Variants in GALNTL6 observed in about 807,000 individuals in gnomAD.
The protein encoded by GALNTL6 is polypeptide N-acetylgalactosaminyltransferase like 6.
In GALNTL6, 46 loss-of-function variants were observed where a neutral mutation model predicts 73.7. The observed-to-expected ratio is 0.62, with a 90% confidence interval of 0.49 to 0.80. GALNTL6 has a LOEUF of 0.80. Ranked by LOEUF, GALNTL6 falls within the 30% of genes least tolerant of loss-of-function variation. The pLI is 0.00. For missense variants in GALNTL6, 604 were observed against 755.0 expected (o/e 0.80, Z 2.34); for synonymous variants, 259 against 263.7 (o/e 0.98, Z 0.17).
At chr4:172,223,276 ATTCT>A (rs1316325714) in intron 2 of GALNTL6, among the ~76,000 whole-genome samples, 3 of 152,056 alleles carry the variant, frequency 2.0e-5, no homozygotes, top group Non-Finnish European at 2.9e-5. Context: ...TAACAAGATA[ATTCT>A]TTCCACCAAA....
intron 2 of GALNTL6, among the ~76,000 whole-genome samples, chr4:171,894,956 A>G (rs1028346667): frequency 2.6e-5 from 4 of 152,256 alleles, no homozygotes; most frequent in African/African-American, 7.2e-5. Context: ...AAATGACATC[A>G]TAATAGAAAT....
intron 2 of GALNTL6, among the ~76,000 whole-genome samples, chr4:172,031,094 ACT>A (rs1741752865): frequency 6.6e-6 from 1 of 151,866 alleles, no homozygotes; most frequent in African/African-American, 2.4e-5. Context: ...GTCTTCCAAG[ACT>A]CTGATTCTTT....
At chr4:172,423,175 A>G (rs955556728) in intron 5 of GALNTL6, among the ~76,000 whole-genome samples, 1 of 151,940 alleles carries the variant, frequency 6.6e-6, no homozygotes, top group Admixed American at 6.6e-5. Flanking sequence ...GACCTGGGTT[A>G]TGCAATAACA....
chr4:172,610,148 A>T (rs1738472412), intron 5 of GALNTL6, among the ~76,000 whole-genome samples: 1 of 151,610 alleles, frequency 6.6e-6, no homozygotes. Flanking sequence ...CCAACTTCTG[A>T]GTTCATTGAT....
intron 2 of GALNTL6, among the ~76,000 whole-genome samples, chr4:172,191,020 G>C (rs1719134236): frequency 6.6e-6 from 1 of 152,098 alleles, no homozygotes; most frequent in South Asian, 2.1e-4. Flanking sequence ...TTACCTGGTG[G>C]CTTCATCTCT....
intron 5 of GALNTL6, among the ~76,000 whole-genome samples, chr4:172,499,475 A>G (rs1734184950): frequency 6.6e-6 from 1 of 152,242 alleles, no homozygotes; most frequent in South Asian, 2.1e-4. Flanking sequence ...TACACAGTCT[A>G]TGGCATTTTG....
chr4:172,070,907 A>G (rs991531175), intron 2 of GALNTL6, among the ~76,000 whole-genome samples: 2 of 109,830 alleles, frequency 1.8e-5, no homozygotes, highest in African/African-American at 6.8e-5. Flanking sequence ...ATTATTTTAT[A>G]CTATATCCAG....
At chr4:171,848,126 C>T (rs1735422474) in intron 2 of GALNTL6, among the ~76,000 whole-genome samples, 1 of 152,188 alleles carries the variant, frequency 6.6e-6, no homozygotes, top group South Asian at 2.1e-4. Flanking sequence ...GTTGCACTGG[C>T]AGCCATGAAA....
At chr4:172,235,778 A>G (rs1388476046) in intron 3 of GALNTL6, among the ~76,000 whole-genome samples, 1 of 152,020 alleles carries the variant, frequency 6.6e-6, no homozygotes, top group African/African-American at 2.4e-5. Flanking sequence ...TAGTTTTTCA[A>G]CACTTGCCCA....
intron 5 of GALNTL6, among the ~76,000 whole-genome samples, chr4:172,486,856 G>A (rs1012181209): frequency 2.6e-5 from 4 of 152,166 alleles, no homozygotes; most frequent in African/African-American, 9.7e-5. Flanking sequence ...CTTTCTTGAA[G>A]TAAATTCAAG....
Position 172,973,781 on chromosome 4 carries a change from C to T in GALNTL6, c.1371+21523C>T, listed in dbSNP as rs568562715. Among the ~76,000 whole-genome samples, 163 of 152,308 alleles carry T rather than the reference C, an allele frequency of 1.1e-3. 4 individuals are homozygous for T. Among genetic ancestry groups the T allele is most frequent in the Admixed American group, 2.5e-3 (39 of 15,302 alleles). ...TCTTCCTCTCTTTGCCTACCACTTT[C>T]ACGCTTTCTCTCTCCCTCTGACTCC... On this transcript the variant is annotated intron_variant, in intron 10 of 12. Transcript: ENST00000506823.
intron 2 of GALNTL6, among the ~76,000 whole-genome samples, chr4:171,989,097 T>C (rs998564313): frequency 5.3e-5 from 8 of 152,220 alleles, no homozygotes; most frequent in African/African-American, 1.2e-4. Context: ...TTTAAGAGGT[T>C]TAGAAGCCTG....
intron 5 of GALNTL6, among the ~76,000 whole-genome samples, chr4:172,383,289 T>C (rs187823665): frequency 1.6e-4 from 25 of 152,256 alleles, no homozygotes; most frequent in Admixed American, 1.5e-3. Context: ...GTAACTTTTT[T>C]CAACAAAATT....
chr4:171,908,413 C>T (rs1737366674), intron 2 of GALNTL6, among the ~76,000 whole-genome samples: 1 of 152,016 alleles, frequency 6.6e-6, no homozygotes, highest in African/African-American at 2.4e-5. Context: ...CCATCACTGG[C>T]CATCAGAGAA....
chr4:172,152,753 C>A (rs1734139423), intron 2 of GALNTL6, among the ~76,000 whole-genome samples: 1 of 152,146 alleles, frequency 6.6e-6, no homozygotes, highest in South Asian at 2.1e-4. Flanking sequence ...GGATTACAGG[C>A]ACCCACCACG....
chr4:172,878,877 GAC>G (rs1745319044), intron 7 of GALNTL6, among the ~76,000 whole-genome samples: 2 of 151,688 alleles, frequency 1.3e-5, no homozygotes, highest in African/African-American at 4.8e-5. Flanking sequence ...TAAGCATAAA[GAC>G]ACAAATAGTT....
intron 2 of GALNTL6, among the ~76,000 whole-genome samples, chr4:171,960,083 G>C (rs1256096325): frequency 6.6e-6 from 1 of 152,270 alleles, no homozygotes; most frequent in African/African-American, 2.4e-5. Context: ...TGTATGCAAA[G>C]GGAAACTACA....
intron 5 of GALNTL6, among the ~76,000 whole-genome samples, chr4:172,539,876 TATATATATATATA>T: frequency 2.5e-4 from 1 of 3,994 alleles, no homozygotes; most frequent in East Asian, 9.3e-3. Context: ...TACATATGAT[TATATATATATATA>T]TATATATATA....
chr4:172,153,423 C>T (rs1166592918), intron 2 of GALNTL6, among the ~76,000 whole-genome samples: 1 of 152,050 alleles, frequency 6.6e-6, no homozygotes, highest in Admixed American at 6.5e-5. Context: ...TTTGAATTAA[C>T]ATGCAGATAT....
Sources: allele counts gnomAD v4.1 joint callset (sites outside exome capture counted in the v4.1 genomes callset), GRCh38; gene constraint gnomAD v4.1.1; transcripts MANE v1.5; gene names NCBI Gene and HGNC (gene_info 2026-07-23, HGNC 2026-07-21).